ADAM23: variants seen among roughly 807,000 people sequenced by gnomAD.
ADAM23 encodes the protein ADAM metallopeptidase domain 23.
Under a neutral mutation model 120.1 loss-of-function variants are expected in ADAM23, and 33 were observed. The observed-to-expected ratio is 0.27, with a 90% CI of 0.21 to 0.37. The LOEUF is 0.37. ADAM23 is among the 10% of genes least tolerant of loss of function. ADAM23 has a pLI of 1.00. For synonymous variants in ADAM23, 367 were observed against 375.2 expected (o/e 0.98, Z 0.25); for missense variants, 862 against 1,058.2 (o/e 0.81, Z 2.57).
Position 206,523,436 on chromosome 2 carries a change from C to T in ADAM23, c.510-7449C>T, listed in dbSNP as rs377736906. Among the ~76,000 whole-genome samples the T allele has an allele frequency of 1.6e-4, 24 of 152,318 alleles. No homozygotes were observed. In the East Asian group the frequency reaches 4.4e-3, roughly 28 times the overall value. On this transcript the variant is annotated intron_variant, in intron 3 of 25. Transcript: ENST00000264377. The stretch of plus-strand genomic sequence containing the variant: ...CATCTTTGTCTGACTTAACGCAAAG[C>T]CTCTATGCAACCTATAATTATTTTC...
chr2:206,516,244 AAAAG>A lies in ADAM23; in HGVS notation c.510-14633_510-14630del, dbSNP rs550276996. Among the ~76,000 whole-genome samples, 469 of 151,854 alleles carry A rather than the reference AAAAG, an allele frequency of 3.1e-3. 5 individuals carry two copies. The highest frequency in any genetic ancestry group is 0.011 in the African/African-American group (442 of 41,456). On this transcript the variant is annotated intron_variant, in intron 3 of 25. Transcript: ENST00000264377. ...TTGGGCATTTTTATTAAAAAAAAAA[AAAAG>A]AAAGAAAAAGCCAAGTAGTGATAAA... is the stretch of plus-strand genomic sequence containing the variant.
At chr2:206,541,043 T>TA (rs1697281905) in intron 4 of ADAM23, among the ~76,000 whole-genome samples, 1 of 150,846 alleles carries the variant, frequency 6.6e-6, no homozygotes, top group African/African-American at 2.4e-5. Flanking sequence ...TTTTCTTGAT[T>TA]AAAAGGTGTC....
At chr2:206,457,249 A>G (rs988800509) in intron 2 of ADAM23, among the ~76,000 whole-genome samples, 3 of 152,246 alleles carry the variant, frequency 2.0e-5, no homozygotes, top group Admixed American at 6.5e-5. Flanking sequence ...TCCTTGCAGC[A>G]TAACTGCCAA....
At chr2:206,603,106 C>G (rs1424233969) in intron 24 of ADAM23, among the ~76,000 whole-genome samples, 1 of 151,020 alleles carries the variant, frequency 6.6e-6, no homozygotes, top group Non-Finnish European at 1.5e-5. Context: ...AGCATAGTTC[C>G]TTGAACAAAA....
chr2:206,511,026 TA>T (rs1696612364), intron 3 of ADAM23, among the ~76,000 whole-genome samples: 2 of 152,150 alleles, frequency 1.3e-5, no homozygotes, highest in Admixed American at 1.3e-4. Context: ...TATTTAGGAG[TA>T]CCTACCAACA....
At chr2:206,481,487 A>G (rs1695895572) in intron 3 of ADAM23, among the ~76,000 whole-genome samples, 179 bp downstream of exon 3, 2 of 152,208 alleles carry the variant, frequency 1.3e-5, no homozygotes, top group South Asian at 2.1e-4. Flanking sequence ...GAAATAAAAG[A>G]TATTTAACAT....
At chr2:206,475,412 C>T (rs1171212311) in intron 2 of ADAM23, among the ~76,000 whole-genome samples, 1 of 152,062 alleles carries the variant, frequency 6.6e-6, no homozygotes, top group African/African-American at 2.4e-5. Flanking sequence ...TTTCATGTTT[C>T]TCTAGCTACA....
In ADAM23 at chr2:206,611,598, C is replaced by T. The variant is rs149619537; in HGVS notation, c.2450+1598C>T. The stretch of plus-strand genomic sequence containing the variant: ...TGCCTCATTTGGCGTTAAGAAATCC[C>T]GGTTTCAAAGGCCTGGAAAACAGTC... On this transcript the variant is annotated intron_variant, in intron 25 of 25. Transcript: ENST00000264377. 1.1e-3 allele frequency among the ~76,000 whole-genome samples: 170 copies of T among 152,260 alleles called. 2 individuals are homozygous for T. The East Asian group carries it at 0.03, about 27-fold the overall frequency.
At chr2:206,479,804 A>G (rs1032149020) in intron 2 of ADAM23, among the ~76,000 whole-genome samples, 1 of 152,138 alleles carries the variant, frequency 6.6e-6, no homozygotes, top group African/African-American at 2.4e-5. Context: ...TTAAGGATTT[A>G]GGAGCCTTGT....
chr2:206,601,772 C>CA (rs35118372), intron 24 of ADAM23, among the ~76,000 whole-genome samples: 11,796 of 80,876 alleles, frequency 0.15, 588 homozygotes, highest in Middle Eastern at 0.22. Context: ...AGACCCTTCT[C>CA]AAAAAAAAAA....
Position 206,530,865 on chromosome 2 carries a change from C to CT in ADAM23, c.510-19dup. 5 of 1,609,220 alleles carry CT rather than the reference C, an allele frequency of 3.1e-6. No homozygotes were observed. The African/African-American group carries it at 5.3e-5, about 17-fold the overall frequency. ...AAGTGTCTTAGATGCAGAAATCACT[C>CT]TATTTTCTTTCCTTTGTAGTGGTTT... On this transcript the variant is annotated intron_variant, in intron 3 of 25. Transcript: ENST00000264377.
At chr2:206,488,033 G>C (rs1161181933) in intron 3 of ADAM23, among the ~76,000 whole-genome samples, 4 of 152,212 alleles carry the variant, frequency 2.6e-5, no homozygotes, top group African/African-American at 9.6e-5. Context: ...AGAAAATGCT[G>C]ATTTAAAGAA....
chr2:206,538,147 T>C (rs1351065652), intron 4 of ADAM23, among the ~76,000 whole-genome samples: 1 of 152,216 alleles, frequency 6.6e-6, no homozygotes, highest in Non-Finnish European at 1.5e-5. Flanking sequence ...CAAACTGTTC[T>C]AATACTTTAT....
chr2:206,467,619 G>A (rs1400545089), intron 2 of ADAM23, among the ~76,000 whole-genome samples: 1 of 152,208 alleles, frequency 6.6e-6, no homozygotes, highest in African/African-American at 2.4e-5. Context: ...GCTTTTACAG[G>A]CACAGGGTGC....
At chr2:206,515,673 CCTTT>C (rs1326480222) in intron 3 of ADAM23, among the ~76,000 whole-genome samples, 5 of 152,036 alleles carry the variant, frequency 3.3e-5, no homozygotes, top group Non-Finnish European at 7.4e-5. Flanking sequence ...AGAACTTTTT[CCTTT>C]CTAAGTTTTA....
chr2:206,474,068 A>G (rs1016693608), intron 2 of ADAM23, among the ~76,000 whole-genome samples: 9 of 151,892 alleles, frequency 5.9e-5, no homozygotes, highest in African/African-American at 2.2e-4. Context: ...CTCCTATACT[A>G]ATCTGCTCTA....
chr2:206,610,220 A>G (rs1698801542), intron 25 of ADAM23, among the ~76,000 whole-genome samples: 1 of 152,224 alleles, frequency 6.6e-6, no homozygotes, highest in Non-Finnish European at 1.5e-5. Flanking sequence ...ATATACACTG[A>G]TTTTTAAGGA....
In ADAM23 at chr2:206,550,339, C is replaced by CT. The variant is rs142849560; in HGVS notation, c.933+180dup. On this transcript the variant is annotated intron_variant, in intron 9 of 25. Transcript: ENST00000264377. ...TGAGTTTTATAGAATTTTCACAACTCTAAACTTTCCTTACATTTAATAATT... is the reference window on the plus strand; with the variant it reads ...TGAGTTTTATAGAATTTTCACAACTCTTAAACTTTCCTTACATTTAATAATT... Among the ~76,000 whole-genome samples the CT allele has an allele frequency of 4.4e-3, 677 of 152,208 alleles. 7 individuals carry two copies. Among genetic ancestry groups the CT allele is most frequent in the African/African-American group, 0.015 (624 of 41,558 alleles).
intron 18 of ADAM23, among the ~76,000 whole-genome samples, chr2:206,575,007 T>TA (rs1452823289): frequency 1.3e-5 from 2 of 151,914 alleles, no homozygotes; most frequent in African/African-American, 4.8e-5. Context: ...GGCAAGTAAA[T>TA]AAAAAATCAG....
Sources: allele counts gnomAD v4.1 joint callset (sites outside exome capture counted in the v4.1 genomes callset), GRCh38; gene constraint gnomAD v4.1.1; transcripts MANE v1.5; gene names NCBI Gene and HGNC (gene_info 2026-07-23, HGNC 2026-07-21).